GCAT: variants seen among roughly 807,000 people sequenced by gnomAD.
GCAT encodes the protein 2-amino-3-ketobutyrate coenzyme A ligase, mitochondrial.
GCAT carries 26 observed loss-of-function variants against 39.7 expected under a neutral mutation model. That is an observed-to-expected ratio of 0.65 (90% CI 0.48 to 0.91). GCAT has a LOEUF of 0.91. GCAT is among the 40% of genes least tolerant of loss of function. The pLI, the probability that GCAT is intolerant of heterozygous loss-of-function variation, is 0.00. For synonymous variants in GCAT, 218 were observed against 237.2 expected (o/e 0.92, Z 0.74); for missense variants, 550 against 576.2 (o/e 0.95, Z 0.47).
chr22:37,808,120 G>A lies in GCAT; in HGVS notation c.153G>A (p.Thr51=). 1 of 1,554,606 alleles carries A rather than the reference G, an allele frequency of 6.4e-7. No individual in the cohort carries two copies. The highest frequency in any genetic ancestry group is 1.2e-5 in the South Asian group (1 of 83,644). The change falls in exon 1 of 9, where the codon ACG becomes ACA. Residue 51 remains threonine (T), a synonymous_variant. Coordinates refer to ENST00000248924, the MANE Select transcript of GCAT (RefSeq NM_014291.4). ...CTTGGAAGAGTGAGCGGGTCATCAC[G>A]TCCCGTCAGGGGCCGCACATCCGCG... ...AGTWKSERVI[T]SRQGPHIRVD...
chr22:37,810,246 A>G, intron 2 of GCAT, 89 bp downstream of exon 2: 1 of 950,664 alleles, frequency 1.1e-6, no homozygotes. Flanking sequence ...AGCTCAGCTC[A>G]GCCACAGCCC....
chr22:37,816,162 A>G, intron 7 of GCAT, 38 bp from the exon 8 acceptor site: 1 of 1,605,740 alleles, frequency 6.2e-7, no homozygotes, highest in African/African-American at 1.3e-5. Context: ...TGAATGCTCC[A>G]CGGCCCCTTA....
intron 4 of GCAT, among the ~76,000 whole-genome samples, chr22:37,814,904 T>C (rs1044223909): frequency 8.5e-5 from 13 of 152,188 alleles, no homozygotes; most frequent in Admixed American, 5.9e-4. Flanking sequence ...GACTGAGATG[T>C]GAGCCCATTC....
chr22:37,815,071 G>T (rs951257027), intron 4 of GCAT, 55 bp from the exon 5 acceptor site: 4 of 1,580,152 alleles, frequency 2.5e-6, no homozygotes, highest in East Asian at 4.5e-5. Flanking sequence ...CACAAGAGAC[G>T]GGTGGTTTGG....
intron 1 of GCAT, 194 bp from the exon 2 acceptor site, chr22:37,809,833 T>G: frequency 1.4e-6 from 1 of 692,064 alleles, no homozygotes; most frequent in Non-Finnish European, 2.5e-6. Context: ...AAAAAAAAAG[T>G]TTAAACTTCT....
rs900296896 is a variant in GCAT at position 37,812,994 on chromosome 22, T to C, written c.429+6T>C. The C allele has an allele frequency of 1.6e-5, 25 of 1,600,902 alleles. No individual in the cohort carries two copies. Among genetic ancestry groups the C allele is most frequent in the Non-Finnish European group, 2.1e-5 (25 of 1,168,036 alleles). On this transcript the variant is annotated splice_donor_region_variant and intron_variant, in intron 3 of 8. Transcript: ENST00000248924. ...CCAACGCCGGCCTCTTTGAGGTGTG[T>C]GGAAGCTGTCCTGCGGGTGAGGGTT...
rs762209720 is a variant in GCAT at position 37,813,311 on chromosome 22, G to T, written c.430-152G>T. 5.9e-6 allele frequency: 5 copies of T among 853,936 alleles called. No individual in the cohort carries two copies. The Admixed American group carries it at 1.0e-4, about 17-fold the overall frequency. The allele number at this position is 853,936 out of a possible 1,614,324, so 52.9% of individuals were successfully genotyped here. On this transcript the variant is annotated intron_variant, in intron 3 of 8. Coordinates refer to ENST00000248924, the MANE Select transcript of GCAT (RefSeq NM_014291.4). ...CTGGTCCAGCCCGGCACTGAGACACGGGGGCCCCAGAGAGAAGCACAGAAC... is the reference window on the plus strand; with the variant it reads ...CTGGTCCAGCCCGGCACTGAGACACTGGGGCCCCAGAGAGAAGCACAGAAC...
rs372504297 is a variant in GCAT, at chr22:37,812,470, C to A, written c.328-417C>A. 5.6e-4 allele frequency among the ~76,000 whole-genome samples: 86 copies of A among 152,334 alleles called. 2 individuals carry two copies. The East Asian group carries it at 0.016, about 29-fold the overall frequency. On this transcript the variant is annotated intron_variant, in intron 2 of 8. Coordinates refer to ENST00000248924, the MANE Select transcript of GCAT (RefSeq NM_014291.4). ...TGACTCGCATCCAGTCACTTCCCAG[C>A]AAAGCCCTCACCCAGACCCAACAGT... is the stretch of plus-strand genomic sequence containing the variant.
Position 37,816,433 on chromosome 22 carries a change from G to C in GCAT, c.1108+112G>C, listed in dbSNP as rs1922207586. 19 of 1,527,014 alleles carry C rather than the reference G, an allele frequency of 1.2e-5. No homozygotes were observed. In the South Asian group the frequency reaches 2.3e-4, roughly 19 times the overall value. The allele number at this position is 1,527,014 out of a possible 1,614,324, so 94.6% of individuals were successfully genotyped here. On this transcript the variant is annotated intron_variant, in intron 8 of 8. Transcript: ENST00000248924. ...AGCCACGCTGCGGCCTCTTAGGCCA[G>C]CTGTCTGTCTAAGCTTGAACACCCC... is the stretch of plus-strand genomic sequence containing the variant.
chr22:37,814,275 GT>G (rs1921919641), intron 4 of GCAT, among the ~76,000 whole-genome samples: 1 of 151,972 alleles, frequency 6.6e-6, no homozygotes, highest in Admixed American at 6.6e-5. Context: ...TTATTTATTT[GT>G]TTTTTAGATG....
In GCAT at chr22:37,808,605, A is replaced by G. The variant is rs376094787; in HGVS notation, c.196+442A>G. ...AGAGGACAGCTTGCTGGGTAAACTCATAGCAAGCAAGGGGTCCCAGGGCTG... is the reference window on the plus strand; with the variant it reads ...AGAGGACAGCTTGCTGGGTAAACTCGTAGCAAGCAAGGGGTCCCAGGGCTG... On this transcript the variant is annotated intron_variant, in intron 1 of 8. Coordinates refer to ENST00000248924, the MANE Select transcript of GCAT (RefSeq NM_014291.4). Among the ~76,000 whole-genome samples the G allele has an allele frequency of 8.0e-4, 122 of 152,338 alleles. 3 individuals are homozygous for G. The South Asian group carries it at 0.022, about 27-fold the overall frequency.
intron 7 of GCAT, 93 bp from the exon 8 acceptor site, chr22:37,816,107 G>T: frequency 6.9e-7 from 1 of 1,458,780 alleles, no homozygotes; most frequent in South Asian, 1.3e-5. Flanking sequence ...CCTTCTTGCA[G>T]ACTTGGGCAT....
intron 2 of GCAT, among the ~76,000 whole-genome samples, chr22:37,812,608 C>T (rs1322803626): frequency 6.6e-6 from 1 of 152,202 alleles, no homozygotes; most frequent in Non-Finnish European, 1.5e-5. Flanking sequence ...GAAGACACAT[C>T]TTTCTTCTCC....
intron 4 of GCAT, among the ~76,000 whole-genome samples, chr22:37,814,330 C>T (rs758583528): frequency 6.6e-6 from 1 of 152,188 alleles, no homozygotes; most frequent in Non-Finnish European, 1.5e-5. Context: ...ATGGCGTGAT[C>T]TCAGCTCACT....
intron 4 of GCAT, among the ~76,000 whole-genome samples, chr22:37,814,505 T>G (rs1480824908): frequency 2.0e-5 from 3 of 152,152 alleles, no homozygotes; most frequent in Non-Finnish European, 2.9e-5. Flanking sequence ...TCAGGTGATC[T>G]ACCTGTCTCA....
intron 2 of GCAT, among the ~76,000 whole-genome samples, chr22:37,810,747 C>T (rs1309629494): frequency 6.6e-6 from 1 of 152,074 alleles, no homozygotes; most frequent in Non-Finnish European, 1.5e-5. Flanking sequence ...GATCTCCTGA[C>T]CTCGTGATCC....
intron 8 of GCAT, 112 bp downstream of exon 8, chr22:37,816,433 GCTGT>G (rs1922207835): frequency 2.6e-6 from 4 of 1,526,896 alleles, no homozygotes; most frequent in Non-Finnish European, 2.7e-6. Context: ...TCTTAGGCCA[GCTGT>G]CTGTCTAAGC....
Position 37,812,867 on chromosome 22 carries a change from G to A in GCAT, c.328-20G>A, listed in dbSNP as rs746009456. The A allele has an allele frequency of 1.9e-6, 3 of 1,549,138 alleles. No individual in the cohort carries two copies. The highest frequency in any genetic ancestry group is 2.7e-5 in the African/African-American group (2 of 73,644). ...CATGACCCCACAGGCATCAACACGT[G>A]TCTCACTCATTTTCTTCAGAGCATC... On this transcript the variant is annotated intron_variant, in intron 2 of 8. Transcript: ENST00000248924.
chr22:37,815,523 G>T, intron 6 of GCAT, 23 bp downstream of exon 6: 2 of 1,587,980 alleles, frequency 1.3e-6, no homozygotes, highest in Non-Finnish European at 1.7e-6. Flanking sequence ...TTGTGTCCCT[G>T]GGGTCCCCTT....
Sources: allele counts gnomAD v4.1 joint callset (sites outside exome capture counted in the v4.1 genomes callset), GRCh38; gene constraint gnomAD v4.1.1; transcripts MANE v1.5; gene names NCBI Gene and HGNC (gene_info 2026-07-23, HGNC 2026-07-21).